STS: variants seen among roughly 807,000 people sequenced by gnomAD.
STS encodes steryl-sulfatase.
In STS, 7 loss-of-function variants were observed where a neutral mutation model predicts 26.8. That is an observed-to-expected ratio of 0.26 (90% CI 0.15 to 0.49). STS has a LOEUF of 0.49. Among genes scored for constraint, STS ranks in the 20% least tolerant of loss-of-function variants. The pLI is 0.98. For missense variants in STS, 434 were observed against 465.6 expected, an observed-to-expected ratio of 0.93 and a Z score of 0.63; for synonymous variants, 199 against 189.4, an observed-to-expected ratio of 1.05 and a Z score of -0.42.
intron 2 of STS, among the ~76,000 whole-genome samples, chrX:7,245,213 A>G (rs905064435): frequency 9.0e-5 from 10 of 111,497 alleles, no homozygotes; most frequent in African/African-American, 2.6e-4. Flanking sequence ...TTTCGTGGGC[A>G]TTATTAATGG....
At chrX:7,311,376 C>T (rs1190526313) in intron 8 of STS, among the ~76,000 whole-genome samples, 1 of 111,857 alleles carries the variant, frequency 8.9e-6, no homozygotes, top group African/African-American at 3.3e-5. Flanking sequence ...GTTGTTTTCT[C>T]TCAGTTCTGG....
intron 6 of STS, among the ~76,000 whole-genome samples, chrX:7,265,307 AATACAGCGTCCATT>A (rs1374088104): frequency 8.9e-6 from 1 of 112,147 alleles, no homozygotes; most frequent in Non-Finnish European, 1.9e-5. Flanking sequence ...GGTGGAGATT[AATACAGCGTCCATT>A]ATACAATGGA....
chrX:7,218,018 A>G (rs1003540190), intron 2 of STS, among the ~76,000 whole-genome samples: 3 of 110,164 alleles, frequency 2.7e-5, no homozygotes, highest in Non-Finnish European at 5.7e-5. Context: ...GCCTTTCCCC[A>G]CTCTCAGATC....
intron 2 of STS, among the ~76,000 whole-genome samples, chrX:7,222,967 A>C (rs1026944144): frequency 1.8e-5 from 2 of 111,624 alleles, no homozygotes; most frequent in African/African-American, 3.3e-5. Context: ...ATGTCTATCC[A>C]TTATTTAGCA....
intron 2 of STS, among the ~76,000 whole-genome samples, chrX:7,206,314 T>C (rs1338931140): frequency 6.2e-5 from 7 of 112,581 alleles, no homozygotes. Context: ...CTTGGCTTTT[T>C]GTTCCAGTTC....
At chrX:7,205,235 T>C (rs1404965641) in intron 2 of STS, among the ~76,000 whole-genome samples, 1 of 112,741 alleles carries the variant, frequency 8.9e-6, no homozygotes, top group Non-Finnish European at 1.9e-5. Flanking sequence ...TTTCCCTGCC[T>C]ACACACCAAC....
At chrX:7,206,132 T>C (rs1266608979) in intron 2 of STS, among the ~76,000 whole-genome samples, 1 of 112,122 alleles carries the variant, frequency 8.9e-6, no homozygotes, top group Admixed American at 9.4e-5. Flanking sequence ...CCCCCAGGCC[T>C]GTTCAATACT....
chrX:7,287,889 TA>T (rs1449432316), intron 7 of STS, among the ~76,000 whole-genome samples: 1 of 110,694 alleles, frequency 9.0e-6, no homozygotes, highest in African/African-American at 3.3e-5. Flanking sequence ...TACCCATTGA[TA>T]ATCAATGAGA....
At chrX:7,278,844 T>C (rs1462584814) in intron 7 of STS, among the ~76,000 whole-genome samples, 3 of 111,835 alleles carry the variant, frequency 2.7e-5, no homozygotes, top group Non-Finnish European at 5.6e-5. Flanking sequence ...CATAGGCTTT[T>C]GGTCCCATAA....
At chrX:7,174,506 T>A (rs554876381) in intron 1 of STS, among the ~76,000 whole-genome samples, 9 of 111,828 alleles carry the variant, frequency 8.0e-5, no homozygotes, top group Non-Finnish European at 1.3e-4. Context: ...TTTGCCATAT[T>A]TTGGGTCGAA....
chrX:7,219,560 G>T, intron 2 of STS: 1 of 1,206,125 alleles, frequency 8.3e-7, no homozygotes. Context: ...TTTCTCATGG[G>T]AATATGCTTA....
At chrX:7,214,742 T>A (rs1201853171) in intron 2 of STS, among the ~76,000 whole-genome samples, 1 of 107,840 alleles carries the variant, frequency 9.3e-6, no homozygotes, top group Non-Finnish European at 1.9e-5. Flanking sequence ...GCATCATTCT[T>A]ATGCCTTTGC....
intron 7 of STS, among the ~76,000 whole-genome samples, chrX:7,301,775 C>T (rs1352913756): frequency 8.9e-6 from 1 of 112,027 alleles, no homozygotes; most frequent in Non-Finnish European, 1.9e-5. Context: ...TATAGCTTTG[C>T]CTTTCCCAGA....
intron 9 of STS, among the ~76,000 whole-genome samples, chrX:7,333,097 A>T (rs1268277651): frequency 2.7e-5 from 3 of 112,266 alleles, no homozygotes; most frequent in African/African-American, 9.7e-5. Context: ...TCCAGTTTCT[A>T]AACGCCTTGT....
Position 7,282,013 on chromosome X carries a change from G to A in STS, c.943+5926G>A, listed in dbSNP as rs192493807. Among the ~76,000 whole-genome samples, 297 of 111,986 alleles carry A rather than the reference G, an allele frequency of 2.7e-3. 1 individual carries two copies. Among genetic ancestry groups the A allele is most frequent in the Admixed American group, 7.3e-3 (77 of 10,600 alleles). ...TTCTCTAAAGCTCAACTCACAAAAC[G>A]CAGATTAATTGGAGAAAAGTCATAA... On this transcript the variant is annotated intron_variant, in intron 7 of 10. Coordinates refer to ENST00000674429, the MANE Select transcript of STS (RefSeq NM_001320752.2).
intron 1 of STS, among the ~76,000 whole-genome samples, chrX:7,162,474 C>G (rs1933263736): frequency 9.0e-6 from 1 of 111,108 alleles, no homozygotes; most frequent in Non-Finnish European, 1.9e-5. Flanking sequence ...ACAGAGATGG[C>G]TTAGGGTCCC....
rs778435037 is a variant in STS at position 7,219,454 on chromosome X, GCA to G, written c.-5+28449_-5+28450del. On this transcript the variant is annotated intron_variant, in intron 2 of 10. Transcript: ENST00000674429. Reference sequence around the variant, plus strand: ...TCTCCGCCTCACATTATCTGCCCAAGCACAGTGCTGTTGGCCAAGCCTCCAGC... The same window carrying G: ...TCTCCGCCTCACATTATCTGCCCAAGCAGTGCTGTTGGCCAAGCCTCCAGC... 47 of 1,094,578 alleles carry G rather than the reference GCA, an allele frequency of 4.3e-5. No individual in the cohort carries two copies. The African/African-American group carries it at 8.5e-4, about 20-fold the overall frequency. The allele number at this position is 1,094,578 out of a possible 1,213,427, so 90.2% of individuals were successfully genotyped here.
intron 1 of STS, among the ~76,000 whole-genome samples, chrX:7,185,891 G>A (rs1409303780): frequency 1.8e-5 from 2 of 112,227 alleles, no homozygotes; most frequent in South Asian, 3.7e-4. Context: ...ACTTTACTTT[G>A]TGTTTGCCTT....
At chrX:7,222,338 T>A (rs1368448185) in intron 2 of STS, among the ~76,000 whole-genome samples, 1 of 111,264 alleles carries the variant, frequency 9.0e-6, no homozygotes, top group Non-Finnish European at 1.9e-5. Flanking sequence ...AATTTGGATC[T>A]TGTTGGTTTA....
Sources: allele counts gnomAD v4.1 joint callset (sites outside exome capture counted in the v4.1 genomes callset), GRCh38; gene constraint gnomAD v4.1.1; transcripts MANE v1.5; gene names NCBI Gene and HGNC (gene_info 2026-07-23, HGNC 2026-07-21).